Variants in AGFG2 observed in about 807,000 individuals in gnomAD.
AGFG2 encodes ArfGAP with FG repeats 2, also known as arf-GAP domain and FG repeat-containing protein 2.
Under a neutral mutation model 48.0 loss-of-function variants are expected in AGFG2, and 31 were observed. The ratio of observed to expected loss-of-function variants is 0.65; its 90% CI spans 0.49 to 0.87. The LOEUF is 0.87. Ranked by LOEUF, AGFG2 falls within the 40% of genes least tolerant of loss-of-function variation. The pLI, the probability that AGFG2 is intolerant of heterozygous loss-of-function variation, is 0.00. For synonymous variants in AGFG2, 229 were observed against 260.8 expected, an observed-to-expected ratio of 0.88 and a Z score of 1.18; for missense variants, 599 against 632.6, an observed-to-expected ratio of 0.95 and a Z score of 0.57.
chr7:100,547,116 G>T (rs905304739), intron 1 of AGFG2, among the ~76,000 whole-genome samples: 1 of 151,974 alleles, frequency 6.6e-6, no homozygotes, highest in African/African-American at 2.4e-5. Flanking sequence ...CATCCGCAGG[G>T]TGGCCGCCCT....
intron 1 of AGFG2, among the ~76,000 whole-genome samples, chr7:100,544,122 T>C (rs2131101580): frequency 6.6e-6 from 1 of 152,318 alleles, no homozygotes; most frequent in South Asian, 2.1e-4. Context: ...AGAAAGAAAA[T>C]GGATGTTGAG....
At chr7:100,542,479 A>T (rs1384800140) in intron 1 of AGFG2, among the ~76,000 whole-genome samples, 1 of 152,250 alleles carries the variant, frequency 6.6e-6, no homozygotes, top group Non-Finnish European at 1.5e-5. Flanking sequence ...AGGCCAGTAA[A>T]TGAAGCTGAA....
At chr7:100,557,169 G>T (rs922659845) in intron 6 of AGFG2, among the ~76,000 whole-genome samples, 2 of 151,120 alleles carry the variant, frequency 1.3e-5, no homozygotes, top group African/African-American at 2.4e-5. Flanking sequence ...CTGCACTCCA[G>T]CCTGAGTGAC....
At chr7:100,544,708 G>C (rs1800480732) in intron 1 of AGFG2, among the ~76,000 whole-genome samples, 1 of 143,266 alleles carries the variant, frequency 7.0e-6, no homozygotes, top group Non-Finnish European at 1.5e-5. Context: ...AATTACTAAA[G>C]GGATGAGAAA....
At chr7:100,560,428 C>T (rs1800841729) in intron 6 of AGFG2, among the ~76,000 whole-genome samples, 1 of 152,338 alleles carries the variant, frequency 6.6e-6, no homozygotes, top group African/African-American at 2.4e-5. Context: ...ATCTGCTTGC[C>T]TCAGCCTCCC....
chr7:100,543,518 A>G (rs879487999), intron 1 of AGFG2, among the ~76,000 whole-genome samples: 2 of 152,292 alleles, frequency 1.3e-5, no homozygotes, highest in South Asian at 2.1e-4. Context: ...TGTCTCCTTC[A>G]TAAGGGGATA....
At chr7:100,541,338 A>G (rs1800417693) in intron 1 of AGFG2, among the ~76,000 whole-genome samples, 1 of 152,234 alleles carries the variant, frequency 6.6e-6, no homozygotes, top group Non-Finnish European at 1.5e-5. Context: ...TGGTCTAAGT[A>G]AAAGTCATCG....
rs749887106 is a variant in AGFG2 at position 100,554,937 on chromosome 7, C to CAAA, written c.752-650_752-648dup. Among the ~76,000 whole-genome samples, 76 of 57,474 alleles carry CAAA rather than the reference C, an allele frequency of 1.3e-3. 2 individuals are homozygous for CAAA. Among genetic ancestry groups the CAAA allele is most frequent in the African/African-American group, 3.8e-3 (60 of 15,754 alleles). 37.7% of individuals were successfully genotyped at this position (57,474 alleles called of 152,430 possible). ...TAGGTGACAGAGTGAGACTCCGTCT[C>CAAA]AAAAAAAAAAAAAAAAAAAAAAAAA... On this transcript the variant is annotated intron_variant, in intron 5 of 11. Coordinates refer to ENST00000300176, the MANE Select transcript of AGFG2 (RefSeq NM_006076.5).
At chr7:100,551,407 G>A (rs983649604) in intron 3 of AGFG2, among the ~76,000 whole-genome samples, 2 of 149,712 alleles carry the variant, frequency 1.3e-5, no homozygotes, top group Non-Finnish European at 3.0e-5. Context: ...GTTTCACCAC[G>A]TTGCCCAGGC....
chr7:100,548,080 G>C (rs1800548346), intron 1 of AGFG2, among the ~76,000 whole-genome samples: 1 of 152,160 alleles, frequency 6.6e-6, no homozygotes. Context: ...GGGATGGGCT[G>C]TAGGTCTAAA....
At chr7:100,559,846 T>C (rs1030586165) in intron 6 of AGFG2, among the ~76,000 whole-genome samples, 2 of 146,780 alleles carry the variant, frequency 1.4e-5, no homozygotes, top group African/African-American at 5.0e-5. Context: ...GTGCATGAAA[T>C]GAAAAGCAAA....
intron 6 of AGFG2, among the ~76,000 whole-genome samples, chr7:100,561,707 C>T (rs1327364831): frequency 6.6e-6 from 1 of 152,220 alleles, no homozygotes; most frequent in Admixed American, 6.5e-5. Context: ...GCGGGGCTGG[C>T]CCCATGAACA....
At chr7:100,556,791 A>T (rs1319367925) in intron 6 of AGFG2, among the ~76,000 whole-genome samples, 1 of 152,152 alleles carries the variant, frequency 6.6e-6, no homozygotes, top group African/African-American at 2.4e-5. Context: ...CAGAGCCCAG[A>T]CTTCTTGACT....
chr7:100,563,772 A>C, intron 9 of AGFG2, 62 bp from the exon 10 acceptor site: 2 of 1,598,702 alleles, frequency 1.3e-6, no homozygotes, highest in African/African-American at 2.7e-5. Context: ...GGACTTAGGA[A>C]AAACAGTTCT....
Position 100,539,373 on chromosome 7 carries a change from G to C in AGFG2, c.27G>C (p.Pro9=). Residue 9 remains proline (P), a synonymous_variant, in exon 1 of 12, where the codon CCG becomes CCC. Coordinates refer to ENST00000300176, the MANE Select transcript of AGFG2 (RefSeq NM_006076.5). Reference sequence around the variant, plus strand: ...TGGTGATGGCGGCGAAGAAGGGCCCGGGCCCGGGCGGCGGGGTCAGCGGGG... The same window carrying C: ...TGGTGATGGCGGCGAAGAAGGGCCCCGGCCCGGGCGGCGGGGTCAGCGGGG... The part of the protein sequence containing the change: MVMAAKKG[P]GPGGGVSGGK... The C allele has an allele frequency of 7.8e-7, 1 of 1,282,284 alleles. No individual in the cohort carries two copies. 79.4% of individuals were successfully genotyped at this position (1,282,284 alleles called of 1,614,324 possible). A position where few individuals can be genotyped will look rare whatever the true frequency, so the allele number is the denominator to read the frequency against.
Position 100,564,269 on chromosome 7 carries a change from G to A in AGFG2, c.1352G>A (p.Ser451Asn). The A allele has an allele frequency of 1.9e-6, 3 of 1,613,904 alleles. No homozygotes were observed. The highest frequency in any genetic ancestry group is 2.2e-5 in the South Asian group (2 of 90,968). ...GSAKLGQRPL[S>N]QPAGISTNPF... ...GCCAAGTTGGGGCAGAGGCCACTGA[G>A]CCAGCCAGCTGGGATCTCCACCAAC... The change falls in exon 11 of 12, where the codon AGC becomes AAC. Residue 451 changes from serine (S) to asparagine (N), a missense_variant. Transcript: ENST00000300176.
intron 3 of AGFG2, 42 bp from the exon 4 acceptor site, chr7:100,553,305 G>A: frequency 1.2e-6 from 2 of 1,612,472 alleles, no homozygotes; most frequent in Middle Eastern, 1.7e-4. Context: ...GTGGTCCAAA[G>A]TTTTATCCCT....
intron 3 of AGFG2, among the ~76,000 whole-genome samples, chr7:100,551,788 G>A (rs1180767843): frequency 1.3e-5 from 2 of 148,532 alleles, no homozygotes; most frequent in Non-Finnish European, 3.0e-5. Context: ...TCTGGAGGCT[G>A]AGGCAGGAAA....
At chr7:100,563,095 C>T in intron 9 of AGFG2, 149 bp downstream of exon 9, 2 of 799,854 alleles carry the variant, frequency 2.5e-6, no homozygotes, top group South Asian at 1.8e-5. Context: ...GCCAGGCCAC[C>T]TAGCACCCAG....
Sources: gnomAD v4.1 joint callset for allele counts (sites outside exome capture counted in the v4.1 genomes callset) on GRCh38, gnomAD v4.1.1 for gene constraint, MANE v1.5 for transcripts, NCBI Gene and HGNC (gene_info 2026-07-23, HGNC 2026-07-21) for gene names.